Variants in GPC5 observed in about 807,000 individuals in gnomAD.
GPC5 encodes glypican 5.
GPC5 carries 47 observed loss-of-function variants against 53.9 expected under a neutral mutation model. That is an observed-to-expected ratio of 0.87 (90% CI 0.69 to 1.11). The LOEUF is 1.11. Among genes scored for constraint, GPC5 ranks in the 50% most tolerant of loss-of-function variants. The probability of loss-of-function intolerance (pLI) is 0.00; values close to 1 mark genes in which losing one functional copy is unlikely to be tolerated. For missense variants in GPC5, 748 were observed against 713.1 expected (o/e 1.05, Z -0.56); for synonymous variants, 286 against 263.3 (o/e 1.09, Z -0.84).
intron 2 of GPC5, among the ~76,000 whole-genome samples, chr13:91,664,826 A>C (rs1032722433): frequency 3.9e-5 from 6 of 152,240 alleles, no homozygotes; most frequent in African/African-American, 1.4e-4. Context: ...ATTAACCACA[A>C]GCTTTGCTTA....
intron 7 of GPC5, among the ~76,000 whole-genome samples, chr13:92,359,773 C>T (rs768101339): frequency 3.3e-5 from 5 of 151,540 alleles, no homozygotes; most frequent in Non-Finnish European, 5.9e-5. Flanking sequence ...ATTGTGAGAA[C>T]TCATTCACTA....
At chr13:91,446,758 A>T (rs186085373) in intron 1 of GPC5, among the ~76,000 whole-genome samples, 84 of 152,316 alleles carry the variant, frequency 5.5e-4, no homozygotes, top group African/African-American at 1.9e-3. Context: ...AACTTAGGGA[A>T]CACATTTCCT....
intron 7 of GPC5, among the ~76,000 whole-genome samples, chr13:92,385,421 CATATAT>C (rs1555331914): frequency 0.024 from 732 of 29,912 alleles, 40 homozygotes; most frequent in African/African-American, 0.049. Flanking sequence ...CATATATATA[CATATAT>C]ACATATATAC....
intron 7 of GPC5, among the ~76,000 whole-genome samples, chr13:92,312,892 G>A (rs2043154818): frequency 6.6e-6 from 1 of 152,080 alleles, no homozygotes; most frequent in African/African-American, 2.4e-5. Context: ...GAATTAACTA[G>A]TTATTGTAAT....
chr13:91,660,421 A>G (rs575937680), intron 2 of GPC5, among the ~76,000 whole-genome samples: 52 of 152,300 alleles, frequency 3.4e-4, no homozygotes, highest in African/African-American at 1.1e-3. Context: ...CAATAATCAC[A>G]TGATTGAGCT....
intron 6 of GPC5, among the ~76,000 whole-genome samples, chr13:92,085,571 G>C (rs1183417222): frequency 1.3e-5 from 2 of 152,156 alleles, no homozygotes; most frequent in East Asian, 3.9e-4. Flanking sequence ...AGAATGATTT[G>C]AGCCCCTTAC....
intron 7 of GPC5, among the ~76,000 whole-genome samples, chr13:92,147,549 T>G (rs1234846940): frequency 6.6e-6 from 1 of 152,090 alleles, no homozygotes; most frequent in Non-Finnish European, 1.5e-5. Flanking sequence ...ATTCAACTAC[T>G]AATAGTTTTC....
intron 5 of GPC5, among the ~76,000 whole-genome samples, chr13:91,900,275 C>T (rs1473471463): frequency 6.6e-6 from 1 of 152,004 alleles, no homozygotes; most frequent in Non-Finnish European, 1.5e-5. Flanking sequence ...CTTAAAATAG[C>T]ATTTAATTTA....
At chr13:92,161,802 A>G (rs2041989755) in intron 7 of GPC5, among the ~76,000 whole-genome samples, 1 of 151,344 alleles carries the variant, frequency 6.6e-6, no homozygotes, top group Non-Finnish European at 1.5e-5. Context: ...CAATGTCTCA[A>G]TTTTGGAGGA....
chr13:91,904,139 T>TC (rs1341435537), intron 5 of GPC5, among the ~76,000 whole-genome samples: 1 of 117,152 alleles, frequency 8.5e-6, no homozygotes, highest in Non-Finnish European at 1.7e-5. Flanking sequence ...TTCTTTTCTT[T>TC]CTTTTTTTTT....
intron 5 of GPC5, among the ~76,000 whole-genome samples, chr13:91,841,346 C>T (rs2138872224): frequency 6.7e-6 from 1 of 149,388 alleles, no homozygotes; most frequent in African/African-American, 2.5e-5. Context: ...GAGAAAGAGA[C>T]CTGCAACATC....
At chr13:92,061,463 G>A (rs562905411) in intron 6 of GPC5, among the ~76,000 whole-genome samples, 3 of 152,106 alleles carry the variant, frequency 2.0e-5, no homozygotes, top group African/African-American at 7.2e-5. Context: ...ATTTACATAG[G>A]CAGCCATCTT....
At chr13:91,571,678 TG>T (rs2031786332) in intron 2 of GPC5, among the ~76,000 whole-genome samples, 1 of 151,182 alleles carries the variant, frequency 6.6e-6, no homozygotes, top group Non-Finnish European at 1.5e-5. Context: ...TGAGCCAAGA[TG>T]GTGCCCCTTC....
chr13:92,761,125 G>A (rs928686566), intron 7 of GPC5, among the ~76,000 whole-genome samples: 2 of 152,078 alleles, frequency 1.3e-5, no homozygotes, highest in Non-Finnish European at 2.9e-5. Context: ...TTGCTGGAAA[G>A]TTCTATATAT....
chr13:91,952,519 G>A (rs1407123382), intron 6 of GPC5, among the ~76,000 whole-genome samples: 1 of 152,098 alleles, frequency 6.6e-6, no homozygotes. Flanking sequence ...CAATAATATA[G>A]TGTAATAAGC....
chr13:91,979,382 T>C (rs2138713666), intron 6 of GPC5, among the ~76,000 whole-genome samples: 1 of 152,348 alleles, frequency 6.6e-6, no homozygotes, highest in Non-Finnish European at 1.5e-5. Flanking sequence ...ATTTTAAGTT[T>C]ACATTAAAGC....
chr13:91,471,030 A>G (rs1333310614), intron 2 of GPC5, among the ~76,000 whole-genome samples: 1 of 152,178 alleles, frequency 6.6e-6, no homozygotes, highest in African/African-American at 2.4e-5. Flanking sequence ...TAAAAAAAAC[A>G]AACAACCCCC....
intron 7 of GPC5, among the ~76,000 whole-genome samples, chr13:92,513,752 C>A (rs1880667681): frequency 6.6e-6 from 1 of 152,046 alleles, no homozygotes; most frequent in Admixed American, 6.6e-5. Flanking sequence ...GGATCCAAGT[C>A]TAAACACAAT....
At chr13:91,422,611 G>A (rs1184635036) in intron 1 of GPC5, among the ~76,000 whole-genome samples, 1 of 151,792 alleles carries the variant, frequency 6.6e-6, no homozygotes, top group Non-Finnish European at 1.5e-5. Flanking sequence ...ATTCCAGCCT[G>A]GGCAACAGAG....
Sources: gnomAD v4.1 joint callset for allele counts (sites outside exome capture counted in the v4.1 genomes callset) on GRCh38, gnomAD v4.1.1 for gene constraint, MANE v1.5 for transcripts, NCBI Gene and HGNC (gene_info 2026-07-23, HGNC 2026-07-21) for gene names.